Variants in TTC39C observed in about 807,000 individuals in gnomAD.
TTC39C encodes tetratricopeptide repeat domain 39C.
Under a neutral mutation model 76.3 loss-of-function variants are expected in TTC39C, and 33 were observed. That is an observed-to-expected ratio of 0.43 (90% CI 0.33 to 0.58). TTC39C has a LOEUF of 0.58. Among genes scored for constraint, TTC39C ranks in the 20% least tolerant of loss-of-function variants. The pLI is 0.04. For synonymous variants in TTC39C, 254 were observed against 260.6 expected (o/e 0.97, Z 0.24); for missense variants, 595 against 701.4 (o/e 0.85, Z 1.71).
upstream of TTC39C, among the ~76,000 whole-genome samples, chr18:24,012,033 C>A (rs1342605793): frequency 6.6e-6 from 1 of 152,120 alleles, no homozygotes; most frequent in Non-Finnish European, 1.5e-5. Flanking sequence ...CCTTTATAAC[C>A]TGACATTTTT....
intron 4 of TTC39C, among the ~76,000 whole-genome samples, chr18:24,075,805 T>C (rs1053915868): frequency 1.3e-5 from 2 of 151,938 alleles, no homozygotes; most frequent in African/African-American, 2.4e-5. Flanking sequence ...CAGGCTTTAA[T>C]AGATGCTTGC....
At chr18:24,063,660 C>G (rs1051314290) in intron 1 of TTC39C, among the ~76,000 whole-genome samples, 1 of 151,772 alleles carries the variant, frequency 6.6e-6, no homozygotes, top group Non-Finnish European at 1.5e-5. Context: ...ATTACAGACA[C>G]CCGCCACCAC....
intron 1 of TTC39C, among the ~76,000 whole-genome samples, chr18:24,037,117 A>G (rs965438073): frequency 3.5e-4 from 53 of 152,184 alleles, no homozygotes; most frequent in African/African-American, 1.2e-3. Flanking sequence ...CTGATCTTAG[A>G]GGAAAAGCTT....
chr18:24,113,312 C>T (rs770841062), intron 6 of TTC39C: 8 of 477,462 alleles, frequency 1.7e-5, no homozygotes, highest in Non-Finnish European at 3.0e-5. Flanking sequence ...CACCTGCTGA[C>T]TCATTGGTGC....
At chr18:24,086,059 A>ACTC (rs2084435373) in intron 6 of TTC39C, among the ~76,000 whole-genome samples, 2 of 152,200 alleles carry the variant, frequency 1.3e-5, no homozygotes, top group Non-Finnish European at 2.9e-5. Context: ...TAAGGCCTTG[A>ACTC]AGGCCCTGAC....
At chr18:24,016,220 G>C (rs562085425) in intron 1 of TTC39C, among the ~76,000 whole-genome samples, 18 of 152,176 alleles carry the variant, frequency 1.2e-4, no homozygotes, top group African/African-American at 3.6e-4. Flanking sequence ...CCCCCCTTTG[G>C]TCTGAAAGTA....
intron 6 of TTC39C, among the ~76,000 whole-genome samples, chr18:24,113,187 C>G (rs954289863): frequency 1.6e-4 from 25 of 152,190 alleles, no homozygotes; most frequent in Non-Finnish European, 4.4e-5. Flanking sequence ...TTCAACCTTC[C>G]TGACAACAGA....
At chr18:24,023,960 A>ATC (rs1599245779) in intron 1 of TTC39C, among the ~76,000 whole-genome samples, 2 of 17,958 alleles carry the variant, frequency 1.1e-4, no homozygotes, top group South Asian at 1.8e-3. Flanking sequence ...GTATATATAT[A>ATC]TATATATATA....
At chr18:24,114,499 T>C in intron 6 of TTC39C, 55 bp from the exon 7 acceptor site, 1 of 1,279,876 alleles carries the variant, frequency 7.8e-7, no homozygotes, top group South Asian at 1.2e-5. Flanking sequence ...ATTATGATGA[T>C]TGTAATGTTA....
chr18:24,103,931 GT>G (rs59092787), intron 6 of TTC39C, among the ~76,000 whole-genome samples: 149 of 138,238 alleles, frequency 1.1e-3, no homozygotes, highest in Middle Eastern at 3.5e-3. Flanking sequence ...TTCTCTCTCT[GT>G]TTTTTTTTTT....
intron 6 of TTC39C, among the ~76,000 whole-genome samples, chr18:24,104,249 A>G (rs1413055161): frequency 2.0e-5 from 3 of 152,106 alleles, no homozygotes; most frequent in Non-Finnish European, 2.9e-5. Flanking sequence ...CCAAATTCTT[A>G]TAATGGTCAT....
chr18:24,078,531 A>C (rs1006887170), intron 4 of TTC39C, among the ~76,000 whole-genome samples: 4 of 152,236 alleles, frequency 2.6e-5, no homozygotes, highest in Non-Finnish European at 5.9e-5. Flanking sequence ...GATACAAAGG[A>C]AAATCAGCAA....
At chr18:24,097,653 C>G (rs2084607396) in intron 6 of TTC39C, among the ~76,000 whole-genome samples, 1 of 152,124 alleles carries the variant, frequency 6.6e-6, no homozygotes, top group South Asian at 2.1e-4. Context: ...TGGTCTGCCA[C>G]CATGGGCTTC....
rs184950595 is a variant in TTC39C, at chr18:24,066,653, G to A, written c.345+513G>A. Among the ~76,000 whole-genome samples the A allele has an allele frequency of 1.9e-3, 283 of 152,326 alleles. 3 individuals carry two copies. Among genetic ancestry groups the A allele is most frequent in the Admixed American group, 2.9e-3 (45 of 15,302 alleles). On this transcript the variant is annotated intron_variant, in intron 3 of 13. Coordinates refer to ENST00000317571, the MANE Select transcript of TTC39C (RefSeq NM_001135993.2). ...CCTCCTAGCCCTGATGTTACTTGGA[G>A]TGCCCAAGGGTCTCACATACGTCAC...
chr18:24,077,337 C>T (rs2084319809), intron 4 of TTC39C: 1 of 152,170 alleles, frequency 6.6e-6, no homozygotes, highest in African/African-American at 2.4e-5. Flanking sequence ...GTAAAGTGTT[C>T]TTCCGAAATC....
At chr18:23,995,885 GT>G (rs1047021261) in intron 1 of TTC39C, among the ~76,000 whole-genome samples, 26 of 152,306 alleles carry the variant, frequency 1.7e-4, no homozygotes, top group African/African-American at 5.8e-4. Context: ...TTTATGAAAA[GT>G]TTTTGTGTGG....
intron 1 of TTC39C, among the ~76,000 whole-genome samples, chr18:24,000,187 C>T (rs758170587): frequency 6.6e-6 from 1 of 152,168 alleles, no homozygotes; most frequent in African/African-American, 2.4e-5. Flanking sequence ...ATTCTTATGT[C>T]GAAGTCCTAA....
chr18:24,124,533 G>T (rs1001598828), intron 9 of TTC39C, among the ~76,000 whole-genome samples: 1 of 152,204 alleles, frequency 6.6e-6, no homozygotes, highest in African/African-American at 2.4e-5. Context: ...AGACTGTAGA[G>T]ACAGTATTCC....
At chr18:24,006,418 T>A (rs2083352461) in intron 1 of TTC39C, 1 of 152,182 alleles carries the variant, frequency 6.6e-6, no homozygotes, top group African/African-American at 2.4e-5. Context: ...TCTTTCTAAT[T>A]TACCTCCTGC....
Sources: allele counts gnomAD v4.1 joint callset (sites outside exome capture counted in the v4.1 genomes callset), GRCh38; gene constraint gnomAD v4.1.1; transcripts MANE v1.5; gene names NCBI Gene and HGNC (gene_info 2026-07-23, HGNC 2026-07-21).